TSHZ3: variants seen among roughly 807,000 people sequenced by gnomAD.
TSHZ3 encodes teashirt zinc finger homeobox 3, also known as teashirt homolog 3.
Under a neutral mutation model 64.5 loss-of-function variants are expected in TSHZ3, and 10 were observed. The ratio of observed to expected loss-of-function variants is 0.16; its 90% CI spans 0.10 to 0.26. The LOEUF is 0.26. Among genes scored for constraint, TSHZ3 ranks in the 10% least tolerant of loss-of-function variants. The pLI is 1.00. For synonymous variants in TSHZ3, 608 were observed against 593.1 expected (o/e 1.03, Z -0.36); for missense variants, 1,242 against 1,421.7 (o/e 0.87, Z 2.03).
At chr19:31,204,349 C>T (rs1975132539) in intron 5 of TSHZ3, among the ~76,000 whole-genome samples, 1 of 151,078 alleles carries the variant, frequency 6.6e-6, no homozygotes. Context: ...CTCCTTCCCT[C>T]CCGTCCTTCC....
chr19:31,335,246 T>C (rs539943166), intron 1 of TSHZ3, among the ~76,000 whole-genome samples: 3 of 152,348 alleles, frequency 2.0e-5, no homozygotes, highest in East Asian at 3.9e-4. Context: ...ATTTTGGAAC[T>C]GCGTTGGCTG....
At chr19:31,304,209 G>C (rs898751609) in intron 1 of TSHZ3, among the ~76,000 whole-genome samples, 1 of 144,446 alleles carries the variant, frequency 6.9e-6, no homozygotes, top group Admixed American at 6.9e-5. Context: ...TTCTGACCTC[G>C]TGATCTGCCT....
chr19:31,192,037 A>G (rs1485382665), intron 5 of TSHZ3, among the ~76,000 whole-genome samples: 4 of 152,216 alleles, frequency 2.6e-5, no homozygotes, highest in Non-Finnish European at 4.4e-5. Flanking sequence ...TACTATTGGA[A>G]TGTTCTTCAT....
chr19:31,211,376 C>G (rs147490718), intron 4 of TSHZ3, among the ~76,000 whole-genome samples: 1 of 152,264 alleles, frequency 6.6e-6, no homozygotes, highest in African/African-American at 2.4e-5. Context: ...AACTCATAGT[C>G]TAATGACAGA....
intron 5 of TSHZ3, among the ~76,000 whole-genome samples, chr19:31,194,591 C>T (rs1202763537): frequency 2.6e-5 from 4 of 152,214 alleles, no homozygotes; most frequent in African/African-American, 9.6e-5. Flanking sequence ...GAGAATGCAC[C>T]CCTTCTCCCT....
intron 1 of TSHZ3, among the ~76,000 whole-genome samples, chr19:31,243,366 TAC>T (rs1975720825): frequency 6.6e-6 from 1 of 152,214 alleles, no homozygotes; most frequent in East Asian, 1.9e-4. Context: ...ATTATACTGT[TAC>T]ACACTTACAG....
rs919364649 is a variant in TSHZ3, at chr19:31,230,342, A to T, written n.551-2202T>A. Among the ~76,000 whole-genome samples, 3 of 152,226 alleles carry T rather than the reference A, an allele frequency of 2.0e-5. 1 individual carries two copies. Among genetic ancestry groups the T allele is most frequent in the Admixed American group, 2.0e-4 (3 of 15,284 alleles). ...AATGTATGTATGTAAATATATGCAT[A>T]GAAAAAGACTTTAAGAGGATAACCA... On this transcript the variant is annotated intron_variant and non_coding_transcript_variant, in intron 3 of 6. Transcript: ENST00000651361.
intron 5 of TSHZ3, among the ~76,000 whole-genome samples, chr19:31,163,414 A>G (rs1974396573): frequency 6.6e-6 from 1 of 152,114 alleles, no homozygotes; most frequent in Non-Finnish European, 1.5e-5. Context: ...TGGGGAGTAC[A>G]ATTATTGGTA....
At chr19:31,304,458 A>T (rs2145146756) in intron 1 of TSHZ3, among the ~76,000 whole-genome samples, 1 of 152,310 alleles carries the variant, frequency 6.6e-6, no homozygotes, top group Non-Finnish European at 1.5e-5. Context: ...GCTGTTTAGA[A>T]AAAGAATCTC....
intron 1 of TSHZ3, among the ~76,000 whole-genome samples, chr19:31,281,794 C>A (rs576919683): frequency 9.8e-5 from 15 of 152,338 alleles, no homozygotes; most frequent in African/African-American, 3.6e-4. Flanking sequence ...CCCCGACAGA[C>A]TTCCTCGGCA....
At chr19:31,169,900 G>T (rs945224895) in intron 5 of TSHZ3, among the ~76,000 whole-genome samples, 1 of 152,188 alleles carries the variant, frequency 6.6e-6, no homozygotes, top group African/African-American at 2.4e-5. Flanking sequence ...GGTGGCAGGG[G>T]ATTTCTGCAG....
chr19:31,205,926 G>A (rs1328064991), intron 4 of TSHZ3, among the ~76,000 whole-genome samples: 1 of 152,232 alleles, frequency 6.6e-6, no homozygotes, highest in East Asian at 1.9e-4. Flanking sequence ...AAATTCTAGA[G>A]ATACATGGTT....
At chr19:31,302,023 C>A (rs985641356) in intron 1 of TSHZ3, among the ~76,000 whole-genome samples, 4 of 152,154 alleles carry the variant, frequency 2.6e-5, no homozygotes, top group African/African-American at 9.7e-5. Context: ...AAGATCCCAG[C>A]CCAGTCAGCA....
At chr19:31,197,548 A>T (rs553973416) in intron 5 of TSHZ3, among the ~76,000 whole-genome samples, 1 of 151,952 alleles carries the variant, frequency 6.6e-6, no homozygotes, top group East Asian at 1.9e-4. Flanking sequence ...AATATAAGTA[A>T]AATTAAAAAC....
intron 1 of TSHZ3, among the ~76,000 whole-genome samples, chr19:31,247,757 A>C (rs1046292023): frequency 2.0e-5 from 3 of 152,146 alleles, no homozygotes; most frequent in Admixed American, 1.3e-4. Context: ...GTTTATGGGA[A>C]ATGCACGCTG....
At chr19:31,303,732 G>A (rs1391820852) in intron 1 of TSHZ3, among the ~76,000 whole-genome samples, 1 of 152,198 alleles carries the variant, frequency 6.6e-6, no homozygotes, top group South Asian at 2.1e-4. Flanking sequence ...AAGGGCACTG[G>A]CAAAAAGATG....
At chr19:31,344,686 C>G (rs1027318177) in intron 1 of TSHZ3, among the ~76,000 whole-genome samples, 52 of 152,346 alleles carry the variant, frequency 3.4e-4, no homozygotes, top group African/African-American at 1.2e-3. Flanking sequence ...AGGCACTCTG[C>G]CTTCAAGAAG....
At chr19:31,174,774 G>A (rs1974584798) in intron 5 of TSHZ3, among the ~76,000 whole-genome samples, 1 of 152,196 alleles carries the variant, frequency 6.6e-6, no homozygotes, top group African/African-American at 2.4e-5. Flanking sequence ...GGTATGGAGG[G>A]GAGAGGGTAC....
intron 1 of TSHZ3, among the ~76,000 whole-genome samples, chr19:31,316,102 T>C (rs145517907): frequency 2.6e-5 from 4 of 152,112 alleles, no homozygotes; most frequent in Admixed American, 2.0e-4. Context: ...TTAAAACAGA[T>C]AGAAGAAGTC....
Sources: allele counts gnomAD v4.1 joint callset (sites outside exome capture counted in the v4.1 genomes callset), GRCh38; gene constraint gnomAD v4.1.1; transcripts MANE v1.5; gene names NCBI Gene and HGNC (gene_info 2026-07-23, HGNC 2026-07-21).